Variants in FOCAD observed in about 807,000 individuals in gnomAD.
FOCAD encodes the protein KIAA1797.
In FOCAD, 198 loss-of-function variants were observed where a neutral mutation model predicts 225.6. The ratio of observed to expected loss-of-function variants is 0.88; its 90% CI spans 0.78 to 0.99. The LOEUF is 0.99. Ranked by LOEUF, FOCAD falls within the 50% of genes least tolerant of loss-of-function variation. The pLI, the probability that FOCAD is intolerant of heterozygous loss-of-function variation, is 0.00. For missense variants in FOCAD, 2,713 were observed against 2,123.6 expected, an observed-to-expected ratio of 1.28 and a Z score of -5.46; for synonymous variants, 897 against 755.0, an observed-to-expected ratio of 1.19 and a Z score of -3.08.
At chr9:20,678,240 G>C (rs1822291571) in intron 2 of FOCAD, among the ~76,000 whole-genome samples, 1 of 152,142 alleles carries the variant, frequency 6.6e-6, no homozygotes, top group Non-Finnish European at 1.5e-5. Flanking sequence ...ATATTAGTAA[G>C]GATCTGATAT....
At chr9:20,735,314 T>C (rs2131629035) in intron 4 of FOCAD, among the ~76,000 whole-genome samples, 1 of 151,320 alleles carries the variant, frequency 6.6e-6, no homozygotes, top group South Asian at 2.1e-4. Flanking sequence ...GATTTTTCTT[T>C]TTGTTATTTT....
chr9:20,815,123 G>GTGT lies in FOCAD; in HGVS notation c.1456-4672_1456-4671insGTT, dbSNP rs1564024181. 1.1e-3 allele frequency among the ~76,000 whole-genome samples: 96 copies of GTGT among 85,372 alleles called. 5 individuals are homozygous for GTGT. The highest frequency in any genetic ancestry group is 1.2e-3 in the African/African-American group (26 of 21,472). The allele number at this position is 85,372 out of a possible 152,430, so 56.0% of individuals were successfully genotyped here. A position where few individuals can be genotyped will look rare whatever the true frequency, so the allele number is the denominator to read the frequency against. ...TCTGGAAATATCATTACTTCTCTTT[G>GTGT]TTTTTTTTTTTTTGTTTTTTTTTTT... On this transcript the variant is annotated intron_variant, in intron 11 of 43. Transcript: ENST00000338382.
At chr9:20,885,923 A>G (rs1019779748) in intron 21 of FOCAD, among the ~76,000 whole-genome samples, 4 of 152,246 alleles carry the variant, frequency 2.6e-5, no homozygotes, top group South Asian at 2.1e-4. Flanking sequence ...ATAGTAGGTT[A>G]TATATCAGTT....
At chr9:20,665,129 T>A (rs1011907878) in intron 2 of FOCAD, among the ~76,000 whole-genome samples, 3 of 152,146 alleles carry the variant, frequency 2.0e-5, no homozygotes, top group Non-Finnish European at 4.4e-5. Context: ...AATGGCTTAA[T>A]AGAGCTAGAG....
At chr9:20,977,196 A>C (rs922752001) in intron 36 of FOCAD, among the ~76,000 whole-genome samples, 2 of 152,200 alleles carry the variant, frequency 1.3e-5, no homozygotes, top group African/African-American at 2.4e-5. Context: ...CTCTGTAGCC[A>C]GGAAAGGTTT....
chr9:20,656,655 T>C (rs2131242966), upstream of FOCAD, among the ~76,000 whole-genome samples: 1 of 152,238 alleles, frequency 6.6e-6, no homozygotes, highest in South Asian at 2.1e-4. Context: ...TCCTTTTATT[T>C]TGAGCCTATG....
At chr9:20,726,046 CATT>C (rs1195403347) in intron 4 of FOCAD, among the ~76,000 whole-genome samples, 1 of 152,086 alleles carries the variant, frequency 6.6e-6, no homozygotes, top group African/African-American at 2.4e-5. Context: ...GTAAGGAAAT[CATT>C]ATCACCAGTC....
Position 20,992,468 on chromosome 9 carries a change from G to C in FOCAD, c.5257-785G>C, listed in dbSNP as rs145580958. Among the ~76,000 whole-genome samples the C allele has an allele frequency of 3.0e-3, 463 of 152,318 alleles. 1 individual carries two copies. Among genetic ancestry groups the C allele is most frequent in the Middle Eastern group, 6.8e-3 (2 of 294 alleles). ...CTAGACCAAGCTGCACACAGAACCA[G>C]GTGGGAGGCAGCATGATGCAAAGAA... is the stretch of plus-strand genomic sequence containing the variant. On this transcript the variant is annotated intron_variant, in intron 42 of 43. Transcript: ENST00000338382.
chr9:20,968,431 C>CTTTTTTTTTTTTTTTTTTTT (rs35624897), intron 35 of FOCAD, among the ~76,000 whole-genome samples: 1 of 43,636 alleles, frequency 2.3e-5, no homozygotes, highest in Non-Finnish European at 4.0e-5. Context: ...TTTTCTTATT[C>CTTTTTTTTTTTTTTTTTTTT]TTTTTTTTTT....
intron 20 of FOCAD, among the ~76,000 whole-genome samples, chr9:20,884,422 G>T (rs1447845901): frequency 6.6e-6 from 1 of 152,032 alleles, no homozygotes. Flanking sequence ...TCAGCCTCCC[G>T]AGTAGCTGGG....
intron 1 of FOCAD, among the ~76,000 whole-genome samples, chr9:20,708,607 A>G (rs1824579601): frequency 6.6e-6 from 1 of 151,846 alleles, no homozygotes; most frequent in Admixed American, 6.6e-5. Context: ...CCGTTGCTAC[A>G]AAAAATTTTA....
At chr9:20,668,893 C>G (rs997885920) in intron 2 of FOCAD, among the ~76,000 whole-genome samples, 5 of 151,380 alleles carry the variant, frequency 3.3e-5, no homozygotes, top group African/African-American at 9.7e-5. Flanking sequence ...ATCCTGTTCC[C>G]AGGCTGTGTG....
chr9:20,766,025 G>A (rs149447589), intron 7 of FOCAD, among the ~76,000 whole-genome samples: 16 of 152,324 alleles, frequency 1.1e-4, no homozygotes, highest in Admixed American at 8.5e-4. Context: ...GAATTCTCCT[G>A]TGGCTTTTCC....
intron 3 of FOCAD, among the ~76,000 whole-genome samples, chr9:20,718,707 A>G (rs1345909617): frequency 1.3e-5 from 2 of 152,220 alleles, no homozygotes; most frequent in South Asian, 2.1e-4. Flanking sequence ...AATCCTGCCT[A>G]TAATCACATT....
In FOCAD at chr9:20,781,754, A is replaced by T. The variant is rs976817933; in HGVS notation, c.1022A>T (p.Asp341Val). The change falls in exon 10 of 44, where the codon GAT becomes GTT. Residue 341 changes from aspartate to valine, a missense_variant. Physicochemically the swap from Asp to Val is radical, Grantham distance 152. Coordinates refer to ENST00000338382, the MANE Select transcript of FOCAD (RefSeq NM_001375567.1). Reference protein sequence around the residue: ...LALKLLSVTEDQKIPKSSLLL... With the variant: ...LALKLLSVTEVQKIPKSSLLL... Reference sequence around the variant, plus strand: ...TTGAAGCTCCTCTCTGTTACTGAGGATCAGAAAATCCCAAAGTCCTCTCTG... The same window carrying T: ...TTGAAGCTCCTCTCTGTTACTGAGGTTCAGAAAATCCCAAAGTCCTCTCTG... 6 of 1,613,778 alleles carry T rather than the reference A, an allele frequency of 3.7e-6. No homozygotes were observed. The African/African-American group carries it at 6.7e-5, about 18-fold the overall frequency.
At chr9:20,663,547 A>G (rs997582618) in intron 2 of FOCAD, among the ~76,000 whole-genome samples, 1 of 151,730 alleles carries the variant, frequency 6.6e-6, no homozygotes, top group African/African-American at 2.4e-5. Context: ...CTTCCAATCT[A>G]TCATCTATCC....
chr9:20,860,559 C>G (rs1260850296), intron 15 of FOCAD, among the ~76,000 whole-genome samples: 5 of 152,202 alleles, frequency 3.3e-5, no homozygotes, highest in Non-Finnish European at 5.9e-5. Flanking sequence ...GAGACAGAGT[C>G]TCACTCTGTA....
chr9:20,827,548 A>T (rs1229325484), intron 15 of FOCAD, among the ~76,000 whole-genome samples: 1 of 150,762 alleles, frequency 6.6e-6, no homozygotes, highest in Non-Finnish European at 1.5e-5. Flanking sequence ...ACCATGGAAT[A>T]TTATTCCCCC....
At chr9:20,942,130 A>T (rs1836723084) in intron 28 of FOCAD, among the ~76,000 whole-genome samples, 1 of 152,232 alleles carries the variant, frequency 6.6e-6, no homozygotes, top group South Asian at 2.1e-4. Flanking sequence ...ATACACTGTT[A>T]TATATTCATA....
Sources: allele counts gnomAD v4.1 joint callset (sites outside exome capture counted in the v4.1 genomes callset), GRCh38; gene constraint gnomAD v4.1.1; transcripts MANE v1.5; gene names NCBI Gene and HGNC (gene_info 2026-07-23, HGNC 2026-07-21).